The following RELT variants were observed in gnomAD, a reference collection of about 807,000 sequenced individuals.
RELT encodes the protein RELT TNF receptor.
In RELT, 37 loss-of-function variants were observed where a neutral mutation model predicts 51.1. That is an observed-to-expected ratio of 0.72 (90% CI 0.56 to 0.95). The LOEUF is 0.95. Ranked by LOEUF, RELT falls within the 40% of genes least tolerant of loss-of-function variation. RELT has a pLI of 0.00. For missense variants in RELT, 535 were observed against 572.6 expected (o/e 0.93, Z 0.67); for synonymous variants, 241 against 235.7 (o/e 1.02, Z -0.21).
chr11:73,393,544 G>A, intron 6 of RELT: 1 of 1,340,108 alleles, frequency 7.5e-7, no homozygotes, highest in South Asian at 1.4e-5. Context: ...AGAAGACGCT[G>A]ACGCACCGCC....
Position 73,392,208 on chromosome 11 carries a change from C to CA in RELT, c.368-2dup, listed in dbSNP as rs765001260. 3 of 1,610,784 alleles carry CA rather than the reference C, an allele frequency of 1.9e-6. No individual in the cohort carries two copies. The highest frequency in any genetic ancestry group is 2.5e-6 in the Non-Finnish European group (3 of 1,178,468). ...TCCTGCCTCCATCGTCTGTGATGCTCAGAGTGGGGGCGGCGGGCCCGACGT... is the reference window on the plus strand; with the variant it reads ...TCCTGCCTCCATCGTCTGTGATGCTCAAGAGTGGGGGCGGCGGGCCCGACGT... On this transcript the variant is annotated splice_polypyrimidine_tract_variant and splice_region_variant and intron_variant, in intron 5 of 10. Coordinates refer to ENST00000064780, the MANE Select transcript of RELT (RefSeq NM_152222.2).
Position 73,388,701 on chromosome 11 carries a change from G to A in RELT, c.-25-411G>A, listed in dbSNP as rs561228067. 1.6e-4 allele frequency among the ~76,000 whole-genome samples: 25 copies of A among 152,328 alleles called. No individual in the cohort carries two copies. The highest frequency in any genetic ancestry group is 3.4e-3 in the Middle Eastern group (1 of 294). ...GGCGGGGGGAGCCTGAGCCTGGAGC[G>A]CTGGGCTGGAGTGTGGAGGCCGGGC... On this transcript the variant is annotated intron_variant, in intron 1 of 10. Coordinates refer to ENST00000064780, the MANE Select transcript of RELT (RefSeq NM_152222.2). The surrounding 1 kb of genome is among the most constrained non-coding windows in gnomAD (Gnocchi z 4.1).
chr11:73,379,270 G>T (rs575859311), intron 1 of RELT, among the ~76,000 whole-genome samples: 1 of 152,298 alleles, frequency 6.6e-6, no homozygotes, highest in East Asian at 1.9e-4. Flanking sequence ...AAGAGGAGAA[G>T]GGTTAACTTC....
At position 73,391,256 on chromosome 11, in the gene RELT, G is replaced by A. The variant is rs367617542; in HGVS notation, c.367+33G>A. On this transcript the variant is annotated intron_variant, in intron 5 of 10. Coordinates refer to ENST00000064780, the MANE Select transcript of RELT (RefSeq NM_152222.2). ...GCAGACTGGGGCTAGGACTGGTGCA[G>A]GGGTATGTGCGGGAGGGGCCAGTGA... 7.5e-6 allele frequency: 12 copies of A among 1,597,646 alleles called. No homozygotes were observed. The East Asian group carries it at 2.2e-4, about 30-fold the overall frequency.
chr11:73,391,096 G>A (rs769081986), intron 4 of RELT, 48 bp from the exon 5 acceptor site: 34 of 1,587,962 alleles, frequency 2.1e-5, no homozygotes, highest in Admixed American at 3.4e-5. Flanking sequence ...CCTAAGGATA[G>A]TGTTTGGGGA....
chr11:73,394,079 G>C lies in RELT; in HGVS notation c.707-157G>C, dbSNP rs1227086146. ...CTCTGACCCAGGAGTGCACACCTCT[G>C]CCTCCCATTCTTGCCTGATGAAGTG... On this transcript the variant is annotated intron_variant, in intron 7 of 10. Transcript: ENST00000064780. The surrounding 1 kb of genome is among the most constrained non-coding windows in gnomAD (Gnocchi z 4.9). 1 of 940,636 alleles carries C rather than the reference G, an allele frequency of 1.1e-6. No individual in the cohort carries two copies. The highest frequency in any genetic ancestry group is 1.7e-6 in the Non-Finnish European group (1 of 603,144). 58.3% of individuals were successfully genotyped at this position (940,636 alleles called of 1,614,324 possible).
At chr11:73,377,107 C>T (rs888572828) in intron 1 of RELT, among the ~76,000 whole-genome samples, 2 of 152,078 alleles carry the variant, frequency 1.3e-5, no homozygotes, top group Non-Finnish European at 2.9e-5. Context: ...GGGAAAGACC[C>T]GGGGTCACTG....
In RELT at chr11:73,394,908, T is replaced by A; in HGVS notation, c.1046+174T>A. 1.1e-6 allele frequency: 1 copy of A among 916,358 alleles called. No homozygotes were observed. The highest frequency in any genetic ancestry group is 1.6e-6 in the Non-Finnish European group (1 of 614,712). 56.8% of individuals were successfully genotyped at this position (916,358 alleles called of 1,614,324 possible). A position where few individuals can be genotyped will look rare whatever the true frequency, so the allele number is the denominator to read the frequency against. On this transcript the variant is annotated intron_variant, in intron 9 of 10. Transcript: ENST00000064780. The surrounding 1 kb of genome is among the most constrained non-coding windows in gnomAD (Gnocchi z 4.9). ...CAGAGAGATCAGGACTTTCCGGTTA[T>A]GTTGTGTCTCACATGGAGCCCTTGC... is the stretch of plus-strand genomic sequence containing the variant.
intron 2 of RELT, among the ~76,000 whole-genome samples, chr11:73,389,853 A>G (rs141774679): frequency 1.1e-4 from 16 of 152,312 alleles, no homozygotes; most frequent in Non-Finnish European, 2.2e-4. Flanking sequence ...TGGTAGCCTC[A>G]TCCAGCCTAG....
In RELT at chr11:73,390,740, C is replaced by G; in HGVS notation, c.121-15C>G. On this transcript the variant is annotated splice_polypyrimidine_tract_variant and intron_variant, in intron 3 of 10. Transcript: ENST00000064780. The stretch of plus-strand genomic sequence containing the variant: ...CTTGGCTCCTGGCCATGCTCTCACC[C>G]TTTACCTCCCACAGGACCCAGGGCA... The G allele has an allele frequency of 1.2e-6, 2 of 1,606,942 alleles. No homozygotes were observed. Among genetic ancestry groups the G allele is most frequent in the South Asian group, 2.2e-5 (2 of 90,652 alleles).
chr11:73,379,933 C>T (rs1866025901), intron 1 of RELT, among the ~76,000 whole-genome samples: 1 of 152,364 alleles, frequency 6.6e-6, no homozygotes, highest in Middle Eastern at 3.4e-3. Flanking sequence ...TGCCAGATGC[C>T]TTGTCTGCCT....
chr11:73,393,095 A>T, intron 6 of RELT: 1 of 996,216 alleles, frequency 1.0e-6, no homozygotes, highest in Non-Finnish European at 1.2e-6. Flanking sequence ...CAAGAGTGAA[A>T]TGGCATCTCC....
chr11:73,387,675 C>G (rs1231043745), intron 1 of RELT, among the ~76,000 whole-genome samples: 1 of 152,168 alleles, frequency 6.6e-6, no homozygotes, highest in Non-Finnish European at 1.5e-5. Context: ...CTGAGTGTAA[C>G]TCAAACCCTG....
intron 4 of RELT, 62 bp from the exon 5 acceptor site, chr11:73,391,082 C>T (rs535425673): frequency 2.6e-6 from 4 of 1,560,490 alleles, no homozygotes; most frequent in African/African-American, 1.4e-5. Flanking sequence ...GGAATCCAGC[C>T]TCTCCTAAGG....
chr11:73,391,350 G>A (rs956296352), intron 5 of RELT, 127 bp downstream of exon 5: 10 of 855,406 alleles, frequency 1.2e-5, no homozygotes, highest in Middle Eastern at 3.3e-4. Flanking sequence ...CCCAGGGCAG[G>A]GCGTGCAGCC....
At chr11:73,387,077 C>T (rs1456160081) in intron 1 of RELT, among the ~76,000 whole-genome samples, 3 of 152,042 alleles carry the variant, frequency 2.0e-5, no homozygotes, top group African/African-American at 7.3e-5. Context: ...TCCCGAGTAG[C>T]TGGGATTACA....
At position 73,388,962 on chromosome 11, in the gene RELT, G is replaced by T. The variant is rs970837681; in HGVS notation, c.-25-150G>T. On this transcript the variant is annotated intron_variant, in intron 1 of 10. Transcript: ENST00000064780. The surrounding 1 kb of genome is among the most constrained non-coding windows in gnomAD (Gnocchi z 4.1). The stretch of plus-strand genomic sequence containing the variant: ...CCCTCTGCTTGGGCCTGTGCTTGCG[G>T]GTGTGGAGCCGGCCTCCCCGGGCTC... The T allele has an allele frequency of 1.6e-6, 1 of 618,026 alleles. No individual in the cohort carries two copies. Among genetic ancestry groups the T allele is most frequent in the South Asian group, 1.8e-5 (1 of 54,698 alleles). The allele number at this position is 618,026 out of a possible 1,614,324, so 38.3% of individuals were successfully genotyped here.
intron 1 of RELT, among the ~76,000 whole-genome samples, chr11:73,380,438 T>G (rs922864074): frequency 6.6e-6 from 1 of 152,320 alleles, no homozygotes; most frequent in African/African-American, 2.4e-5. Flanking sequence ...TCAGGCCCTG[T>G]AGTGTGCCAG....
Position 73,390,817 on chromosome 11 carries a change from C to T in RELT, c.183C>T (p.Gly61=). The T allele has an allele frequency of 6.2e-7, 1 of 1,612,520 alleles. No homozygotes were observed. The highest frequency in any genetic ancestry group is 8.5e-7 in the Non-Finnish European group (1 of 1,179,668). ...CAGGCACCTTCTCAGCTGCATGGGG[C>T]TCCAGCCCATGCCAGCCCCATGCCC... ...CPPGTFSAAW[G]SSPCQPHARC... The change falls in exon 4 of 11, where the codon GGC becomes GGT. Residue 61 remains glycine (G), a synonymous_variant. Transcript: ENST00000064780.
Sources: allele counts gnomAD v4.1 joint callset (sites outside exome capture counted in the v4.1 genomes callset), GRCh38; gene constraint gnomAD v4.1.1; non-coding constraint Gnocchi (gnomAD v3.1); transcripts MANE v1.5; gene names NCBI Gene and HGNC (gene_info 2026-07-23, HGNC 2026-07-21).